The following ADCK1 variants were observed in gnomAD, a reference collection of about 807,000 sequenced individuals.
The protein encoded by ADCK1 is aarF domain-containing protein kinase 1.
In ADCK1, 41 loss-of-function variants were observed where a neutral mutation model predicts 52.3. The observed-to-expected ratio is 0.78, with a 90% CI of 0.61 to 1.02. The LOEUF (loss-of-function observed/expected upper bound fraction) is 1.02, where lower values mean the gene tolerates loss of function less well. ADCK1 is among the 50% of genes least tolerant of loss of function. ADCK1 has a pLI of 0.00. For synonymous variants in ADCK1, 250 were observed against 274.6 expected, an observed-to-expected ratio of 0.91 and a Z score of 0.89; for missense variants, 658 against 679.5, an observed-to-expected ratio of 0.97 and a Z score of 0.35.
At chr14:77,807,465 C>T (rs2081253669) in intron 1 of ADCK1, among the ~76,000 whole-genome samples, 1 of 151,882 alleles carries the variant, frequency 6.6e-6, no homozygotes, top group Non-Finnish European at 1.5e-5. Context: ...CCTCAGCCTC[C>T]TAAGTAGCTG....
intron 7 of ADCK1, among the ~76,000 whole-genome samples, chr14:77,915,684 A>G (rs1429707278): frequency 1.3e-5 from 2 of 152,182 alleles, no homozygotes; most frequent in Non-Finnish European, 2.9e-5. Context: ...TCTTTAAAAG[A>G]GCTCAGGGAT....
At chr14:77,850,321 T>C (rs578052413) in intron 3 of ADCK1, among the ~76,000 whole-genome samples, 1 of 152,372 alleles carries the variant, frequency 6.6e-6, no homozygotes, top group East Asian at 1.9e-4. Flanking sequence ...TTCAGATTGG[T>C]TGATAGTGTT....
At chr14:77,855,631 A>G (rs945187601) in intron 3 of ADCK1, among the ~76,000 whole-genome samples, 1 of 152,204 alleles carries the variant, frequency 6.6e-6, no homozygotes, top group African/African-American at 2.4e-5. Flanking sequence ...TCTAGAAAAG[A>G]GACCTTGCGG....
At position 77,931,563 on chromosome 14, in the gene ADCK1, A is replaced by G. The variant is rs74065837; in HGVS notation, c.1252A>G (p.Ser418Gly). 1.0e-4 allele frequency: 165 copies of G among 1,614,090 alleles called. No individual in the cohort carries two copies. In the African/African-American group the frequency reaches 1.8e-3, roughly 17 times the overall value. ...CGCGGCCAACTACCTCCCCCAGATC[A>G]GCCATCTCCTCAACCACGTGCCGCG... ...NNAANYLPQISHLLNHVPRQM... is the reference protein window; with the variant it reads ...NNAANYLPQIGHLLNHVPRQM... The change falls in exon 10 of 11, where the codon AGC becomes GGC. Residue 418 changes from serine to glycine, a missense_variant. By Grantham distance (56) the Ser-to-Gly change is moderately conservative. Coordinates refer to ENST00000238561, the MANE Select transcript of ADCK1 (RefSeq NM_020421.4).
chr14:77,816,566 G>T (rs572441247), intron 1 of ADCK1, among the ~76,000 whole-genome samples: 2 of 152,170 alleles, frequency 1.3e-5, no homozygotes, highest in Non-Finnish European at 2.9e-5. Context: ...AGTGTGGTGC[G>T]CCTAGGGAAG....
chr14:77,810,999 A>T (rs907234094), intron 1 of ADCK1, among the ~76,000 whole-genome samples: 7 of 151,756 alleles, frequency 4.6e-5, no homozygotes, highest in African/African-American at 1.5e-4. Context: ...TCTGGATCTG[A>T]TTAGGGACCT....
intron 1 of ADCK1, among the ~76,000 whole-genome samples, chr14:77,810,600 A>G (rs2081319380): frequency 1.4e-5 from 2 of 142,448 alleles, no homozygotes; most frequent in South Asian, 4.4e-4. Context: ...GCACGATTTC[A>G]GCTCACTGCA....
chr14:77,842,452 C>CTTCCTTCA (rs1566657319), intron 3 of ADCK1, among the ~76,000 whole-genome samples: 45 of 36,916 alleles, frequency 1.2e-3, no homozygotes, highest in African/African-American at 3.7e-3. Context: ...TTTTTTTTTC[C>CTTCCTTCA]TTCCTTCCTT....
intron 7 of ADCK1, among the ~76,000 whole-genome samples, chr14:77,915,845 G>C (rs903944798): frequency 6.6e-6 from 1 of 152,218 alleles, no homozygotes; most frequent in Non-Finnish European, 1.5e-5. Context: ...CCACCTTGGT[G>C]AAGCTACTCA....
intron 3 of ADCK1, among the ~76,000 whole-genome samples, chr14:77,829,444 C>T (rs1156446206): frequency 2.0e-5 from 3 of 150,958 alleles, no homozygotes; most frequent in African/African-American, 7.3e-5. Context: ...AGGTGTGCAC[C>T]ACCATGCAGG....
At chr14:77,893,524 C>T (rs141722482) in intron 5 of ADCK1, among the ~76,000 whole-genome samples, 2 of 152,224 alleles carry the variant, frequency 1.3e-5, no homozygotes, top group East Asian at 3.9e-4. Context: ...AAGTACTATG[C>T]CCTTCATGCA....
intron 3 of ADCK1, among the ~76,000 whole-genome samples, chr14:77,842,441 A>ATT (rs35911154): frequency 0.019 from 1,492 of 78,194 alleles, 108 homozygotes; most frequent in African/African-American, 0.028. Flanking sequence ...CTTTCAGGGT[A>ATT]TTTTTTTTTC....
chr14:77,807,040 T>C (rs10148344), intron 1 of ADCK1, among the ~76,000 whole-genome samples: 20,090 of 119,966 alleles, frequency 0.17, 1,505 homozygotes, highest in Non-Finnish European at 0.2. Flanking sequence ...CTCTCTCTCT[T>C]TTTTTTTTTT....
At chr14:77,907,745 C>G (rs897006937) in intron 6 of ADCK1, 58 bp from the exon 7 acceptor site, 15 of 1,359,182 alleles carry the variant, frequency 1.1e-5, no homozygotes, top group Non-Finnish European at 1.3e-5. Context: ...GCCACATTGT[C>G]ATCCTTGCCC....
intron 7 of ADCK1, among the ~76,000 whole-genome samples, chr14:77,908,868 G>A (rs899529976): frequency 2.0e-5 from 3 of 152,178 alleles, no homozygotes; most frequent in African/African-American, 7.2e-5. Flanking sequence ...GAGGCACTGA[G>A]GCCTGCCACA....
chr14:77,807,592 C>T (rs1490714639), intron 1 of ADCK1, among the ~76,000 whole-genome samples: 3 of 150,772 alleles, frequency 2.0e-5, no homozygotes, highest in African/African-American at 7.3e-5. Flanking sequence ...TCACTGCAAT[C>T]TCCGCCTCTG....
chr14:77,825,400 A>G (rs1390756050), intron 3 of ADCK1, among the ~76,000 whole-genome samples: 1 of 152,068 alleles, frequency 6.6e-6, no homozygotes, highest in Non-Finnish European at 1.5e-5. Context: ...CCTTTTGGAG[A>G]TGCCATTTGT....
At chr14:77,853,411 T>G (rs1171747671) in intron 3 of ADCK1, among the ~76,000 whole-genome samples, 3 of 152,210 alleles carry the variant, frequency 2.0e-5, no homozygotes, top group Non-Finnish European at 2.9e-5. Flanking sequence ...TGAGCCACTG[T>G]GCCTGGCATT....
chr14:77,897,968 ACC>A (rs1328516781), intron 5 of ADCK1, among the ~76,000 whole-genome samples: 1 of 151,916 alleles, frequency 6.6e-6, no homozygotes, highest in Non-Finnish European at 1.5e-5. Context: ...AAATCATATA[ACC>A]CCTCAGAGCC....
Sources: gnomAD v4.1 joint callset for allele counts (sites outside exome capture counted in the v4.1 genomes callset) on GRCh38, gnomAD v4.1.1 for gene constraint, MANE v1.5 for transcripts, NCBI Gene and HGNC (gene_info 2026-07-23, HGNC 2026-07-21) for gene names.